The following SEMA6D variants were observed in gnomAD, a reference collection of about 807,000 sequenced individuals.
SEMA6D encodes the protein semaphorin 6D.
SEMA6D carries 35 observed loss-of-function variants against 106.6 expected under a neutral mutation model. The observed-to-expected ratio is 0.33, with a 90% confidence interval of 0.25 to 0.44. The LOEUF (loss-of-function observed/expected upper bound fraction) is 0.44, where lower values mean the gene tolerates loss of function less well. Ranked by LOEUF, SEMA6D falls within the 20% of genes least tolerant of loss-of-function variation. The pLI is 1.00. For missense variants in SEMA6D, 1,185 were observed against 1,345.9 expected (o/e 0.88, Z 1.87); for synonymous variants, 499 against 487.7 (o/e 1.02, Z -0.31).
intron 3 of SEMA6D, among the ~76,000 whole-genome samples, chr15:47,489,167 A>T (rs937959203): frequency 6.6e-6 from 1 of 152,150 alleles, no homozygotes; most frequent in Non-Finnish European, 1.5e-5. Flanking sequence ...TCAGAGACAC[A>T]GGCAGAGACT....
intron 1 of SEMA6D, among the ~76,000 whole-genome samples, chr15:47,376,484 A>G (rs1203545820): frequency 6.6e-6 from 1 of 152,224 alleles, no homozygotes; most frequent in Non-Finnish European, 1.5e-5. Context: ...CCCGGTGGTT[A>G]TGTGAATGGT....
chr15:47,542,972 C>T (rs2045403216), intron 3 of SEMA6D, among the ~76,000 whole-genome samples: 1 of 152,064 alleles, frequency 6.6e-6, no homozygotes, highest in Non-Finnish European at 1.5e-5. Context: ...AGTTAGGTGC[C>T]CTGCTGAATG....
At chr15:47,338,090 G>C (rs1165856513) in intron 1 of SEMA6D, among the ~76,000 whole-genome samples, 1 of 152,184 alleles carries the variant, frequency 6.6e-6, no homozygotes, top group African/African-American at 2.4e-5. Context: ...ATGGACTGAG[G>C]AGAAGGCACT....
chr15:47,307,577 A>G (rs1480944483), intron 1 of SEMA6D, among the ~76,000 whole-genome samples: 1 of 151,684 alleles, frequency 6.6e-6, no homozygotes, highest in East Asian at 1.9e-4. Flanking sequence ...AGCTTAGTAC[A>G]TCTCATTACC....
chr15:47,290,832 G>A (rs779414354), intron 1 of SEMA6D, among the ~76,000 whole-genome samples: 10 of 152,238 alleles, frequency 6.6e-5, no homozygotes, highest in South Asian at 2.1e-4. Context: ...TTAACCATTC[G>A]CATGGGTGCA....
intron 2 of SEMA6D, among the ~76,000 whole-genome samples, chr15:47,447,583 C>T (rs2042067021): frequency 6.6e-6 from 1 of 152,158 alleles, no homozygotes; most frequent in South Asian, 2.1e-4. Context: ...AGGACCCTTT[C>T]AGACATGGCC....
chr15:47,527,390 CA>C (rs552870304), intron 3 of SEMA6D, among the ~76,000 whole-genome samples: 138 of 152,032 alleles, frequency 9.1e-4, no homozygotes, highest in Middle Eastern at 3.4e-3. Flanking sequence ...ATGGAAATGC[CA>C]AAAAAATTTC....
intron 1 of SEMA6D, among the ~76,000 whole-genome samples, chr15:47,213,306 G>C (rs910186585): frequency 6.6e-6 from 1 of 152,174 alleles, no homozygotes; most frequent in Non-Finnish European, 1.5e-5. Flanking sequence ...ATGAGGTTTA[G>C]TGTGGCTACA....
intron 3 of SEMA6D, among the ~76,000 whole-genome samples, chr15:47,598,031 A>G (rs1238534365): frequency 6.6e-6 from 1 of 151,942 alleles, no homozygotes; most frequent in African/African-American, 2.4e-5. Context: ...AATAAAGGTA[A>G]TGTTTTTCTT....
At chr15:47,277,619 A>AT (rs1424976290) in intron 1 of SEMA6D, among the ~76,000 whole-genome samples, 2 of 123,642 alleles carry the variant, frequency 1.6e-5, no homozygotes, top group Admixed American at 1.7e-4. Context: ...ATTATTTATT[A>AT]TTATTATTAT....
intron 3 of SEMA6D, among the ~76,000 whole-genome samples, chr15:47,522,970 C>T (rs1863243705): frequency 6.6e-6 from 1 of 152,180 alleles, no homozygotes; most frequent in Non-Finnish European, 1.5e-5. Context: ...TCTGTGTTAG[C>T]ACAAAGCTAT....
At chr15:47,523,581 A>G (rs1378205984) in intron 3 of SEMA6D, among the ~76,000 whole-genome samples, 1 of 152,176 alleles carries the variant, frequency 6.6e-6, no homozygotes, top group Non-Finnish European at 1.5e-5. Context: ...GATGATTCTC[A>G]GGGTTGGTTA....
At chr15:47,574,428 G>A (rs2142955603) in intron 3 of SEMA6D, among the ~76,000 whole-genome samples, 1 of 152,238 alleles carries the variant, frequency 6.6e-6, no homozygotes, top group Non-Finnish European at 1.5e-5. Context: ...AAACCAATGT[G>A]GAGCATTGAT....
rs146716180 is a variant in SEMA6D, at chr15:47,194,496, G to A, written c.-239+10078G>A. Among the ~76,000 whole-genome samples, 531 of 152,184 alleles carry A rather than the reference G, an allele frequency of 3.5e-3. 2 individuals carry two copies. Among genetic ancestry groups the A allele is most frequent in the Non-Finnish European group, 4.8e-3 (327 of 68,002 alleles). Reference sequence around the variant, plus strand: ...AGGGTTGAGGTGGAAGTATTAAGGTGTTGGTAGTCCAGGCATTCAAGAGGA... The same window carrying A: ...AGGGTTGAGGTGGAAGTATTAAGGTATTGGTAGTCCAGGCATTCAAGAGGA... On this transcript the variant is annotated intron_variant, in intron 1 of 19. Transcript: ENST00000558014.
chr15:47,751,845 G>A (rs1003906131), intron 1 of SEMA6D, among the ~76,000 whole-genome samples: 7 of 151,990 alleles, frequency 4.6e-5, no homozygotes, highest in Non-Finnish European at 8.8e-5. Flanking sequence ...CTTGACCTAA[G>A]GGACTGAAAA....
chr15:47,702,714 G>A (rs2078837546), intron 4 of SEMA6D, among the ~76,000 whole-genome samples: 1 of 152,102 alleles, frequency 6.6e-6, no homozygotes, highest in East Asian at 1.9e-4. Context: ...TCTATGAAAA[G>A]ACATGTGAGG....
intron 1 of SEMA6D, among the ~76,000 whole-genome samples, chr15:47,312,146 G>GC (rs370158628): frequency 7.0e-6 from 1 of 142,234 alleles, no homozygotes; most frequent in South Asian, 2.2e-4. Flanking sequence ...TCTTTCTAGG[G>GC]TTTTTTTTTT....
At chr15:47,601,954 G>A (rs2076669797) in intron 4 of SEMA6D, among the ~76,000 whole-genome samples, 1 of 152,126 alleles carries the variant, frequency 6.6e-6, no homozygotes, top group Non-Finnish European at 1.5e-5. Flanking sequence ...TCTTTTAGAT[G>A]CAGTCGCTGT....
intron 3 of SEMA6D, among the ~76,000 whole-genome samples, chr15:47,478,777 T>C (rs572801385): frequency 5.8e-4 from 89 of 152,190 alleles, no homozygotes; most frequent in African/African-American, 2.0e-3. Flanking sequence ...ATACCCAACA[T>C]TGGGAAATTT....
Sources: allele counts gnomAD v4.1 joint callset (sites outside exome capture counted in the v4.1 genomes callset), GRCh38; gene constraint gnomAD v4.1.1; transcripts MANE v1.5; gene names NCBI Gene and HGNC (gene_info 2026-07-23, HGNC 2026-07-21).